FAM228B: variants seen among roughly 807,000 people sequenced by gnomAD.
The protein encoded by FAM228B is protein FAM228B.
Under a neutral mutation model 42.6 loss-of-function variants are expected in FAM228B, and 38 were observed. The ratio of observed to expected loss-of-function variants is 0.89; its 90% CI spans 0.69 to 1.17. The LOEUF (loss-of-function observed/expected upper bound fraction) is 1.17. FAM228B is among the 50% of genes most tolerant of loss of function. The pLI is 0.00. For synonymous variants in FAM228B, 109 were observed against 122.3 expected, an observed-to-expected ratio of 0.89 and a Z score of 0.72; for missense variants, 344 against 367.3, an observed-to-expected ratio of 0.94 and a Z score of 0.52.
chr2:24,158,608 C>A lies in FAM228B; in HGVS notation c.687-2898C>A, dbSNP rs538197596. On this transcript the variant is annotated intron_variant, in intron 7 of 10. Coordinates refer to ENST00000615575, the MANE Select transcript of FAM228B (RefSeq NM_001145710.2). ...ATGACAGTTTGGATATAGGATAGGACTGGAGGTTGGAGATCACTGAAGAGT... is the reference window on the plus strand; with the variant it reads ...ATGACAGTTTGGATATAGGATAGGAATGGAGGTTGGAGATCACTGAAGAGT... Among the ~76,000 whole-genome samples, 137 of 152,124 alleles carry A rather than the reference C, an allele frequency of 9.0e-4. 1 individual carries two copies. The highest frequency in any genetic ancestry group is 3.3e-3 in the African/African-American group (136 of 41,486).
intron 3 of FAM228B, among the ~76,000 whole-genome samples, chr2:24,106,134 C>G (rs1232895492): frequency 6.6e-6 from 1 of 151,990 alleles, no homozygotes; most frequent in Non-Finnish European, 1.5e-5. Context: ...AGATATTACT[C>G]AAGACCATCC....
At chr2:24,115,873 T>G (rs1436328023) in intron 3 of FAM228B, among the ~76,000 whole-genome samples, 2 of 149,028 alleles carry the variant, frequency 1.3e-5, no homozygotes, top group Non-Finnish European at 3.0e-5. Flanking sequence ...TAGAGGTATT[T>G]GAGTTGTCCT....
intron 3 of FAM228B, among the ~76,000 whole-genome samples, chr2:24,117,602 C>T (rs747264297): frequency 4.6e-5 from 7 of 152,102 alleles, no homozygotes; most frequent in Admixed American, 3.9e-4. Context: ...ACCACCACAC[C>T]CAGCTAATTT....
upstream of FAM228B, chr2:24,122,952 A>AGT (rs1178609178): frequency 6.4e-6 from 1 of 155,648 alleles, no homozygotes; most frequent in African/African-American, 2.4e-5. Flanking sequence ...CACGACTAAA[A>AGT]GAGATTATGC....
chr2:24,141,145 G>A (rs528918086), intron 5 of FAM228B, among the ~76,000 whole-genome samples: 7 of 151,318 alleles, frequency 4.6e-5, no homozygotes, highest in East Asian at 2.0e-4. Flanking sequence ...GCACGATCTC[G>A]GCTCCTGCAA....
chr2:24,131,537 C>T (rs141967000), intron 2 of FAM228B, among the ~76,000 whole-genome samples: 1,671 of 152,282 alleles, frequency 0.011, 16 homozygotes, highest in Non-Finnish European at 0.018. Context: ...TGGAAGAGGT[C>T]CTTCACATCC....
At position 24,146,781 on chromosome 2, in the gene FAM228B, A is replaced by G; in HGVS notation, c.475A>G (p.Lys159Glu). 1 of 1,550,322 alleles carries G rather than the reference A, an allele frequency of 6.5e-7. No individual in the cohort carries two copies. The highest frequency in any genetic ancestry group is 8.7e-7 in the Non-Finnish European group (1 of 1,146,082). Reference sequence around the variant, plus strand: ...CCCACCATTTCATGACCCTTTGAAAAAAGCACAATATGACAAGGATAACGA... The same window carrying G: ...CCCACCATTTCATGACCCTTTGAAAGAAGCACAATATGACAAGGATAACGA... Reference protein sequence around the residue: ...TIPPFHDPLKKAQYDKDNEKR... With the variant: ...TIPPFHDPLKEAQYDKDNEKR... Residue 159 changes from lysine to glutamate, a missense_variant, in exon 6 of 11, where the codon AAA becomes GAA. Lys to Glu is a moderately conservative substitution (Grantham distance 56). Transcript: ENST00000615575.
chr2:24,167,736 C>G, intron 10 of FAM228B, 53 bp downstream of exon 10: 1 of 1,542,404 alleles, frequency 6.5e-7, no homozygotes, highest in Non-Finnish European at 8.8e-7. Context: ...ACCCCTGTTT[C>G]TTGCCACTGT....
Position 24,139,419 on chromosome 2 carries a change from A to G in FAM228B, c.410A>G (p.Tyr137Cys), listed in dbSNP as rs565549211. 3.5e-4 allele frequency: 546 copies of G among 1,548,420 alleles called. No individual in the cohort carries two copies. The highest frequency in any genetic ancestry group is 4.3e-4 in the South Asian group (36 of 83,878). ...HYDPKEYDPF[Y>C]MSKKDPNFLK... The stretch of plus-strand genomic sequence containing the variant: ...GATCCAAAAGAGTATGATCCCTTTT[A>G]TATGAGCAAGAAGGACCCCAATTTT... The change falls in exon 5 of 11, where the codon TAT (tyrosine) becomes TGT (cysteine). Residue 137 changes from tyrosine (Y) to cysteine (C), a missense_variant. By Grantham distance (194) the Tyr-to-Cys change is radical (BLOSUM62 -2). Transcript: ENST00000615575.
rs151250747 is a variant in FAM228B, at chr2:24,161,512, G to A, written c.693G>A (p.Lys231=). ...ESEFCRRRRL[K]VKVNFNDCSF... ...ACTTGTTATCTTGTTAAAGGTTAAA[G>A]GTGAAAGTGAATTTTAATGACTGTA... is the stretch of plus-strand genomic sequence containing the variant. The change falls in exon 8 of 11, where the codon AAG becomes AAA. Residue 231 remains lysine (K), a synonymous_variant. Transcript: ENST00000615575. The A allele has an allele frequency of 8.0e-5, 121 of 1,521,320 alleles. No homozygotes were observed. The African/African-American group carries it at 1.6e-3, about 20-fold the overall frequency. The allele number at this position is 1,521,320 out of a possible 1,614,324, so 94.2% of individuals were successfully genotyped here.
Position 24,077,488 on chromosome 2 carries a change from C to T in FAM228B, c.-290+519C>T, listed in dbSNP as rs1377381767. 84 of 1,410,678 alleles carry T rather than the reference C, an allele frequency of 6.0e-5. No homozygotes were observed. The highest frequency in any genetic ancestry group is 4.6e-4 in the East Asian group (19 of 40,974). 87.4% of individuals were successfully genotyped at this position (1,410,678 alleles called of 1,614,324 possible). A position where few individuals can be genotyped will look rare whatever the true frequency, so the allele number is the denominator to read the frequency against. ...GCTTTAAACGGCTCTGGAGGAAGCA[C>T]CGGGTTTCTTGGCCTGTCTATTGTG... On this transcript the variant is annotated intron_variant, in intron 1 of 10. Transcript: ENST00000613899. The surrounding 1 kb of genome is among the most constrained non-coding windows in gnomAD (Gnocchi z 5.5).
At chr2:24,157,533 T>C (rs1312327117) in intron 7 of FAM228B, among the ~76,000 whole-genome samples, 2 of 150,854 alleles carry the variant, frequency 1.3e-5, no homozygotes, top group Admixed American at 6.6e-5. Flanking sequence ...AGGTCAGGAG[T>C]TTGAGACCAG....
chr2:24,156,995 T>C (rs1667164593), intron 7 of FAM228B, among the ~76,000 whole-genome samples: 1 of 152,210 alleles, frequency 6.6e-6, no homozygotes, highest in Non-Finnish European at 1.5e-5. Flanking sequence ...GCACTTCTGC[T>C]GTACCCCAGA....
chr2:24,110,019 C>T (rs1004446288), intron 3 of FAM228B, among the ~76,000 whole-genome samples: 1 of 152,174 alleles, frequency 6.6e-6, no homozygotes, highest in Middle Eastern at 3.2e-3. Context: ...ATAGTAAAGA[C>T]ACATAATCAA....
intron 3 of FAM228B, among the ~76,000 whole-genome samples, chr2:24,118,367 A>T (rs1241735974): frequency 6.6e-6 from 1 of 152,292 alleles, no homozygotes; most frequent in East Asian, 1.9e-4. Flanking sequence ...GATAAACTTA[A>T]TTTCTCAATT....
chr2:24,101,828 G>C lies in FAM228B; in HGVS notation c.-121+6599G>C, dbSNP rs376030955. On this transcript the variant is annotated intron_variant, in intron 3 of 10. Transcript: ENST00000613899. ...CTCTTGAGTAGCTGGGACTACAAGC[G>C]CTCACCACCATGCCTGGCTAATTTT... Among the ~76,000 whole-genome samples the C allele has an allele frequency of 1.8e-4, 28 of 152,154 alleles. No homozygotes were observed. In the South Asian group the frequency reaches 4.1e-3, roughly 23 times the overall value.
chr2:24,103,636 C>T (rs10181183), intron 3 of FAM228B, among the ~76,000 whole-genome samples: 18,108 of 152,160 alleles, frequency 0.12, 1,257 homozygotes, highest in South Asian at 0.18. Context: ...GAAAAAGGCT[C>T]CCACTAGGCA....
chr2:24,084,467 G>A lies in FAM228B; in HGVS notation c.-210+3512G>A. On this transcript the variant is annotated intron_variant, in intron 2 of 10. Transcript: ENST00000613899. This position sits in a 1 kb window ranked among gnomAD's most constrained non-coding sequence, Gnocchi z 8.4. Reference sequence around the variant, plus strand: ...AGCCCAGCCTCAGGCTGGCACCGCAGCGCCCCCTGCCGGCCAGCGCCTCGC... The same window carrying A: ...AGCCCAGCCTCAGGCTGGCACCGCAACGCCCCCTGCCGGCCAGCGCCTCGC... The A allele has an allele frequency of 9.2e-7, 1 of 1,091,456 alleles. No homozygotes were observed. Among genetic ancestry groups the A allele is most frequent in the Non-Finnish European group, 1.2e-6 (1 of 817,866 alleles). 67.6% of individuals were successfully genotyped at this position (1,091,456 alleles called of 1,614,324 possible).
Position 24,080,762 on chromosome 2 carries a change from G to C in FAM228B, c.-289-114G>C. 1 of 1,605,076 alleles carries C rather than the reference G, an allele frequency of 6.2e-7. No homozygotes were observed. The highest frequency in any genetic ancestry group is 8.5e-7 in the Non-Finnish European group (1 of 1,173,104). ...AGCACTGGCAACTTTGAGACTGGTG[G>C]GGCTTTTATTTAATCATCTCTTAAA... On this transcript the variant is annotated intron_variant, in intron 1 of 10. Transcript: ENST00000613899. The surrounding 1 kb of genome is among the most constrained non-coding windows in gnomAD (Gnocchi z 4.7).
Sources: gnomAD v4.1 joint callset for allele counts (sites outside exome capture counted in the v4.1 genomes callset) on GRCh38, gnomAD v4.1.1 for gene constraint, Gnocchi (gnomAD v3.1) non-coding constraint, MANE v1.5 for transcripts, NCBI Gene and HGNC (gene_info 2026-07-23, HGNC 2026-07-21) for gene names.